Variants in EIF4E3 observed in about 807,000 individuals in gnomAD.
EIF4E3 encodes the protein eukaryotic translation initiation factor 4E family member 3.
A neutral mutation model predicts 31.7 loss-of-function variants in EIF4E3; 26 were observed. That is an observed-to-expected ratio of 0.82 (90% CI 0.60 to 1.14). The LOEUF is 1.14. EIF4E3 is among the 50% of genes most tolerant of loss of function. The pLI is 0.00. For missense variants in EIF4E3, 304 were observed against 270.9 expected, an observed-to-expected ratio of 1.12 and a Z score of -0.86; for synonymous variants, 128 against 107.7, an observed-to-expected ratio of 1.19 and a Z score of -1.17.
intron 1 of EIF4E3, among the ~76,000 whole-genome samples, chr3:71,715,656 C>G (rs1289409200): frequency 3.3e-5 from 5 of 152,158 alleles, no homozygotes; most frequent in African/African-American, 7.2e-5. Flanking sequence ...ACAGCTGGAG[C>G]TGAGAACACA....
the EIF4E3 span, among the ~76,000 whole-genome samples, chr3:71,666,752 C>T: frequency 6.6e-6 from 1 of 152,110 alleles, no homozygotes; most frequent in Non-Finnish European, 1.5e-5. Context: ...GCCTGGCTAA[C>T]ATGGTGAAAC....
upstream of EIF4E3, among the ~76,000 whole-genome samples, chr3:71,726,895 C>T (rs1046542307): frequency 6.6e-6 from 1 of 152,126 alleles, no homozygotes; most frequent in Non-Finnish European, 1.5e-5. Flanking sequence ...TTTCATTTTT[C>T]CAAGAAGCGT....
At chr3:71,720,540 C>CA (rs1384532761) in intron 1 of EIF4E3, among the ~76,000 whole-genome samples, 2 of 152,180 alleles carry the variant, frequency 1.3e-5, no homozygotes, top group Non-Finnish European at 2.9e-5. Flanking sequence ...CACCACCTCT[C>CA]AAAGCTGCTC....
In EIF4E3 at chr3:71,678,370, C is replaced by A. The variant is rs2048890224; in HGVS notation, c.*6312G>T. 1 of 152,108 alleles carries A rather than the reference C, an allele frequency of 6.6e-6. No homozygotes were observed. The highest frequency in any genetic ancestry group is 6.6e-5 in the Admixed American group (1 of 15,264). 9.4% of individuals were successfully genotyped at this position (152,108 alleles called of 1,614,324 possible). On this transcript the variant is annotated 3_prime_UTR_variant, in exon 7 of 7. Transcript: ENST00000425534. ...ACTACTACCCTGAAAAATGAAGAAG[C>A]ACAAATTCATAGCAATATAGTCCCA...
chr3:71,696,477 C>T lies in EIF4E3; in HGVS notation c.388G>A (p.Val130Ile), dbSNP rs2049138106. ...NAKGGVWKMK[V>I]PKDSTSTVWK... ...GAACCTACCGTGCTGTCCTTGGGGA[C>T]TTTCATCTTCCATACGCCACCCTTT... The change falls in exon 4 of 7, where the codon GTC becomes ATC. Residue 130 changes from valine (V) to isoleucine (I), a missense_variant. By Grantham distance (29) the Val-to-Ile change is conservative (BLOSUM62 3). Transcript: ENST00000425534. 1 of 1,614,056 alleles carries T rather than the reference C, an allele frequency of 6.2e-7. No individual in the cohort carries two copies. The highest frequency in any genetic ancestry group is 1.3e-5 in the African/African-American group (1 of 74,906).
At chr3:71,740,909 G>A (rs1165850199) in intron 1 of EIF4E3, among the ~76,000 whole-genome samples, 2 of 152,122 alleles carry the variant, frequency 1.3e-5, no homozygotes, top group African/African-American at 4.8e-5. Flanking sequence ...GGCTGAGGTG[G>A]GTGGATCACA....
At chr3:71,738,076 C>A (rs1301158674) in intron 1 of EIF4E3, among the ~76,000 whole-genome samples, 1 of 152,138 alleles carries the variant, frequency 6.6e-6, no homozygotes, top group East Asian at 1.9e-4. Context: ...CAGTTAGGGA[C>A]CTCAGTAGTT....
chr3:71,712,637 G>GGGT lies in EIF4E3; in HGVS notation c.177-2154_177-2153insACC, dbSNP rs1553664393. Among the ~76,000 whole-genome samples the GGGT allele has an allele frequency of 1.4e-3, 159 of 116,628 alleles. 3 individuals are homozygous for GGGT. The highest frequency in any genetic ancestry group is 4.9e-3 in the African/African-American group (146 of 29,884). The allele number at this position is 116,628 out of a possible 152,430, so 76.5% of individuals were successfully genotyped here. On this transcript the variant is annotated intron_variant, in intron 1 of 6. Transcript: ENST00000425534. ...CTATGTGTGTGTGTTGCGGGGGGTG[G>GGGT]GCGGGGGAGATTCTAGGGCTCAAAG...
At chr3:71,708,225 C>T (rs912875959) in intron 2 of EIF4E3, among the ~76,000 whole-genome samples, 1 of 152,068 alleles carries the variant, frequency 6.6e-6, no homozygotes, top group African/African-American at 2.4e-5. Context: ...GGACCAGACA[C>T]AATAATATAG....
At chr3:71,701,174 G>A (rs965886150) in intron 2 of EIF4E3, among the ~76,000 whole-genome samples, 36 of 152,236 alleles carry the variant, frequency 2.4e-4, no homozygotes, top group African/African-American at 8.7e-4. Flanking sequence ...TAAGACACAG[G>A]GCAACTGGTA....
chr3:71,665,424 G>T, the EIF4E3 span, among the ~76,000 whole-genome samples: 3 of 152,170 alleles, frequency 2.0e-5, no homozygotes, highest in Admixed American at 2.0e-4. Context: ...TGGGCTGAGT[G>T]CTTTATTTAA....
chr3:71,720,887 G>C (rs2049537667), intron 1 of EIF4E3, among the ~76,000 whole-genome samples: 1 of 152,144 alleles, frequency 6.6e-6, no homozygotes, highest in Non-Finnish European at 1.5e-5. Context: ...GTTTTCCCAG[G>C]GGAATTAACA....
chr3:71,726,752 C>T (rs929353230), upstream of EIF4E3, among the ~76,000 whole-genome samples: 13 of 152,224 alleles, frequency 8.5e-5, no homozygotes, highest in African/African-American at 2.6e-4. Flanking sequence ...AAAACAAGAC[C>T]GCTGCTTTAA....
At chr3:71,695,672 A>G (rs2049126113) in intron 4 of EIF4E3, among the ~76,000 whole-genome samples, 1 of 152,206 alleles carries the variant, frequency 6.6e-6, no homozygotes, top group African/African-American at 2.4e-5. Context: ...ATGTTCTTAT[A>G]GTAAAATGAC....
In EIF4E3 at chr3:71,690,423, T is replaced by G. The variant is rs77974799; in HGVS notation, c.473-258A>C. The stretch of plus-strand genomic sequence containing the variant: ...GTTCCAGCCAAATGCATTTTCCAGA[T>G]AAGTAATTTACCCTTTTTAACATTA... On this transcript the variant is annotated intron_variant, in intron 5 of 6. Transcript: ENST00000425534. Among the ~76,000 whole-genome samples the G allele has an allele frequency of 1.1e-4, 16 of 152,364 alleles. No individual in the cohort carries two copies. The East Asian group carries it at 2.7e-3, about 26-fold the overall frequency.
Position 71,690,052 on chromosome 3 carries a change from C to T in EIF4E3, c.586G>A (p.Glu196Lys), listed in dbSNP as rs1294031426. 6.2e-7 allele frequency: 1 copy of T among 1,613,188 alleles called. No individual in the cohort carries two copies. The highest frequency in any genetic ancestry group is 1.7e-5 in the Admixed American group (1 of 59,854). The change falls in exon 6 of 7, where the codon GAA (glutamate) becomes AAA (lysine). Residue 196 changes from glutamate to lysine, a missense_variant. Physicochemically the swap from Glu to Lys is moderately conservative, Grantham distance 56. Coordinates refer to ENST00000425534, the MANE Select transcript of EIF4E3 (RefSeq NM_001134651.2). ...GEATVLEKIY[E>K]LLPHITFKAV... The stretch of plus-strand genomic sequence containing the variant: ...TTAAAAGTTATGTGGGGCAGAAGTT[C>T]ATAGATCTTTTCTAAAACAGTCGCT...
chr3:71,674,943 C>A (rs2048864863), downstream of EIF4E3, among the ~76,000 whole-genome samples: 1 of 152,232 alleles, frequency 6.6e-6, no homozygotes, highest in Non-Finnish European at 1.5e-5. Flanking sequence ...AAATTCCAAA[C>A]TAAGCTCTTT....
intron 3 of EIF4E3, 43 bp from the exon 4 acceptor site, chr3:71,696,563 T>A: frequency 6.2e-7 from 1 of 1,603,868 alleles, no homozygotes; most frequent in Non-Finnish European, 8.5e-7. Flanking sequence ...CAGGACTAAG[T>A]GATTCTACAT....
At position 71,684,038 on chromosome 3, in the gene EIF4E3, A is replaced by G. The variant is rs1236008989; in HGVS notation, c.*644T>C. The G allele has an allele frequency of 6.6e-6, 1 of 152,370 alleles. No homozygotes were observed. The highest frequency in any genetic ancestry group is 2.4e-5 in the African/African-American group (1 of 41,440). The allele number at this position is 152,370 out of a possible 1,614,324, so 9.4% of individuals were successfully genotyped here. On this transcript the variant is annotated 3_prime_UTR_variant, in exon 7 of 7. Transcript: ENST00000425534. The stretch of plus-strand genomic sequence containing the variant: ...AGTTTTCATGTTATGCAATCCAACT[A>G]TTATTTTCCTTTTATCACTAAAAAA...
Sources: gnomAD v4.1 joint callset for allele counts (sites outside exome capture counted in the v4.1 genomes callset) on GRCh38, gnomAD v4.1.1 for gene constraint, MANE v1.5 for transcripts, NCBI Gene and HGNC (gene_info 2026-07-23, HGNC 2026-07-21) for gene names.